COLEC10: variants seen among roughly 807,000 people sequenced by gnomAD.
COLEC10 encodes the protein collectin-10.
COLEC10 carries 22 observed loss-of-function variants against 28.4 expected under a neutral mutation model. The ratio of observed to expected loss-of-function variants is 0.78; its 90% CI spans 0.55 to 1.11. The LOEUF is 1.11. Ranked by LOEUF, COLEC10 falls within the 50% of genes least tolerant of loss-of-function variation. COLEC10 has a pLI of 0.00. For missense variants in COLEC10, 361 were observed against 344.1 expected, an observed-to-expected ratio of 1.05 and a Z score of -0.39; for synonymous variants, 125 against 116.1, an observed-to-expected ratio of 1.08 and a Z score of -0.49.
At chr8:118,969,619 G>A in the COLEC10 span, among the ~76,000 whole-genome samples, 11 of 151,726 alleles carry the variant, frequency 7.2e-5, no homozygotes, top group African/African-American at 2.7e-4. Flanking sequence ...TTCTAATTGT[G>A]GTACACCCAA....
chr8:119,073,889 T>A (rs867278180), intron 1 of COLEC10, among the ~76,000 whole-genome samples: 3 of 151,886 alleles, frequency 2.0e-5, no homozygotes, highest in Non-Finnish European at 4.4e-5. Flanking sequence ...GGCTTTTATA[T>A]GTATATATCA....
the COLEC10 span, among the ~76,000 whole-genome samples, chr8:118,973,750 T>G: frequency 6.6e-6 from 1 of 152,138 alleles, no homozygotes; most frequent in Admixed American, 6.6e-5. Flanking sequence ...TTACATTCTC[T>G]TACTCTTTTT....
chr8:118,994,494 T>C (rs568402775), upstream of COLEC10, among the ~76,000 whole-genome samples: 1 of 152,328 alleles, frequency 6.6e-6, no homozygotes, highest in African/African-American at 2.4e-5. Context: ...AGCCACTAGC[T>C]AGAATGCTTC....
chr8:119,086,648 C>T (rs1345033641), intron 1 of COLEC10, among the ~76,000 whole-genome samples: 2 of 152,110 alleles, frequency 1.3e-5, no homozygotes, highest in African/African-American at 4.8e-5. Flanking sequence ...GTCACTCACC[C>T]GGCTGCCTCT....
chr8:119,108,415 A>G lies in COLEC10; in HGVS notation c.*2224A>G, dbSNP rs1247466377. ...TATTGTGTGCACTGTTAGTGCTATTATTATTTACTGTGAATGTTATAATAA... is the reference window on the plus strand; with the variant it reads ...TATTGTGTGCACTGTTAGTGCTATTGTTATTTACTGTGAATGTTATAATAA... On this transcript the variant is annotated 3_prime_UTR_variant, in exon 6 of 6. Coordinates refer to ENST00000332843, the MANE Select transcript of COLEC10 (RefSeq NM_006438.5). 6.6e-6 allele frequency among the ~76,000 whole-genome samples: 1 copy of G among 152,146 alleles called. No homozygotes were observed. The highest frequency in any genetic ancestry group is 1.5e-5 in the Non-Finnish European group (1 of 68,028).
At chr8:118,989,569 ACACACACACC>A in the COLEC10 span, among the ~76,000 whole-genome samples, 13 of 149,454 alleles carry the variant, frequency 8.7e-5, no homozygotes, top group African/African-American at 3.3e-4. Context: ...ACACACACAC[ACACACACACC>A]CCTACCTACC....
intron 1 of COLEC10, among the ~76,000 whole-genome samples, chr8:119,087,202 G>C (rs937813255): frequency 3.3e-5 from 5 of 152,130 alleles, no homozygotes; most frequent in African/African-American, 1.2e-4. Flanking sequence ...TTAAACACCA[G>C]AGCCAGGCAC....
chr8:119,095,920 TGAA>T (rs1815705719), intron 3 of COLEC10, among the ~76,000 whole-genome samples: 2 of 152,180 alleles, frequency 1.3e-5, no homozygotes, highest in South Asian at 4.1e-4. Flanking sequence ...TGTAATTTCA[TGAA>T]GAGATAGACA....
chr8:119,101,256 A>T (rs536167393), intron 3 of COLEC10, among the ~76,000 whole-genome samples: 2 of 152,200 alleles, frequency 1.3e-5, no homozygotes, highest in East Asian at 3.9e-4. Flanking sequence ...GGTGACCTTC[A>T]TCCTGCATTC....
chr8:119,090,183 G>A (rs1815561034), intron 2 of COLEC10, among the ~76,000 whole-genome samples: 1 of 152,068 alleles, frequency 6.6e-6, no homozygotes, highest in Admixed American at 6.6e-5. Flanking sequence ...CTTTCCCCAA[G>A]ATCTCTTTAT....
At chr8:119,049,953 A>C (rs1256277448) in intron 2 of COLEC10, among the ~76,000 whole-genome samples, 1 of 152,212 alleles carries the variant, frequency 6.6e-6, no homozygotes, top group Non-Finnish European at 1.5e-5. Flanking sequence ...AGGAGAGTTA[A>C]TATGGCTTTG....
rs1814165843 is a variant in COLEC10, at chr8:119,025,037, T to C, written n.235+15484T>C. On this transcript the variant is annotated intron_variant and non_coding_transcript_variant, in intron 2 of 6. Coordinates refer to the COLEC10 transcript ENST00000521788. Reference sequence around the variant, plus strand: ...TAACTAACAAAAAGATCCCACTTTCTGTAAGACTTTCATATAATTCCAGTA... The same window carrying C: ...TAACTAACAAAAAGATCCCACTTTCCGTAAGACTTTCATATAATTCCAGTA... 2.0e-5 allele frequency among the ~76,000 whole-genome samples: 3 copies of C among 152,292 alleles called. No individual in the cohort carries two copies. The South Asian group carries it at 6.2e-4, about 32-fold the overall frequency.
chr8:119,056,984 T>C (rs1814773346), intron 2 of COLEC10, among the ~76,000 whole-genome samples: 1 of 152,086 alleles, frequency 6.6e-6, no homozygotes, highest in Admixed American at 6.6e-5. Context: ...TCTGTCTATA[T>C]GGAATATTCT....
upstream of COLEC10, among the ~76,000 whole-genome samples, chr8:118,993,286 A>G (rs985144719): frequency 3.3e-5 from 5 of 152,116 alleles, no homozygotes; most frequent in Admixed American, 2.0e-4. Context: ...TTTGGCTTGT[A>G]CATAGATGTC....
At chr8:119,071,087 G>A (rs1815114462) in intron 1 of COLEC10, among the ~76,000 whole-genome samples, 1 of 151,964 alleles carries the variant, frequency 6.6e-6, no homozygotes, top group African/African-American at 2.4e-5. Context: ...AGAAAATACA[G>A]TCCCCCAGTC....
chr8:119,046,760 A>T (rs1024042751), intron 2 of COLEC10, among the ~76,000 whole-genome samples: 1 of 152,178 alleles, frequency 6.6e-6, no homozygotes, highest in African/African-American at 2.4e-5. Context: ...CTTGATTTTC[A>T]TGTGATGTTT....
At chr8:119,030,631 G>A (rs1167196781) in intron 2 of COLEC10, among the ~76,000 whole-genome samples, 1 of 152,170 alleles carries the variant, frequency 6.6e-6, no homozygotes, top group African/African-American at 2.4e-5. Flanking sequence ...TAAGATGGAG[G>A]TCATAACAGC....
rs138061916 is a variant in COLEC10 at position 119,010,136 on chromosome 8, C to T, written n.235+583C>T. Reference sequence around the variant, plus strand: ...TCACAGTATCATGCAGAATAGTTCCCCTGACTTAAAAATCATCTGTGTTCT... The same window carrying T: ...TCACAGTATCATGCAGAATAGTTCCTCTGACTTAAAAATCATCTGTGTTCT... On this transcript the variant is annotated intron_variant and non_coding_transcript_variant, in intron 2 of 6. Transcript: ENST00000521788. Among the ~76,000 whole-genome samples, 216 of 150,736 alleles carry T rather than the reference C, an allele frequency of 1.4e-3. 16 individuals are homozygous for T. Among genetic ancestry groups the T allele is most frequent in the Middle Eastern group, 0.01 (3 of 294 alleles).
intron 2 of COLEC10, among the ~76,000 whole-genome samples, chr8:119,048,997 C>G (rs946785198): frequency 1.3e-5 from 2 of 152,108 alleles, no homozygotes; most frequent in Non-Finnish European, 2.9e-5. Flanking sequence ...ATGTTTAGCA[C>G]TCCCTTAAGG....
Sources: gnomAD v4.1 joint callset for allele counts (sites outside exome capture counted in the v4.1 genomes callset) on GRCh38, gnomAD v4.1.1 for gene constraint, MANE v1.5 for transcripts, NCBI Gene and HGNC (gene_info 2026-07-23, HGNC 2026-07-21) for gene names.